The following HIVEP1 variants were observed in gnomAD, a reference collection of about 807,000 sequenced individuals.
HIVEP1 encodes the protein zinc finger protein 40.
In HIVEP1, 36 loss-of-function variants were observed where a neutral mutation model predicts 180.0. The observed-to-expected ratio is 0.20, with a 90% confidence interval of 0.15 to 0.26. The LOEUF is 0.26. Among genes scored for constraint, HIVEP1 ranks in the 10% least tolerant of loss-of-function variants. HIVEP1 has a pLI of 1.00. For missense variants in HIVEP1, 3,143 were observed against 3,268.7 expected (o/e 0.96, Z 0.94); for synonymous variants, 1,239 against 1,239.0 (o/e 1.00, Z 0.00).
intron 8 of HIVEP1, among the ~76,000 whole-genome samples, chr6:12,162,265 A>T (rs975055567): frequency 2.0e-5 from 3 of 150,370 alleles, no homozygotes; most frequent in African/African-American, 4.9e-5. Context: ...CAAGTCCCGC[A>T]ACTGATTTAT....
chr6:12,067,891 C>A (rs1178634202), intron 2 of HIVEP1, among the ~76,000 whole-genome samples: 1 of 152,068 alleles, frequency 6.6e-6, no homozygotes, highest in Non-Finnish European at 1.5e-5. Context: ...TGATAATTCC[C>A]AAATAAAGAT....
rs202211729 is a variant in HIVEP1 at position 12,163,789 on chromosome 6, C to A, written c.7485C>A (p.Thr2495=). ...CACTCCCCTCGTTAAGCATGGAAAC[C>A]GTCAATATTGTAGGCCTAGCCAATA... ...LQSLPSLSME[T]VNIVGLANTN... Residue 2495 remains threonine (T), a synonymous_variant, in exon 9 of 9, where the codon ACC becomes ACA. Coordinates refer to ENST00000379388, the MANE Select transcript of HIVEP1 (RefSeq NM_002114.4). The A allele has an allele frequency of 6.8e-6, 11 of 1,614,144 alleles. No individual in the cohort carries two copies. The South Asian group carries it at 1.2e-4, about 18-fold the overall frequency.
chr6:12,157,985 C>T (rs12197552), intron 7 of HIVEP1, among the ~76,000 whole-genome samples: 1 of 152,146 alleles, frequency 6.6e-6, no homozygotes, highest in Non-Finnish European at 1.5e-5. Flanking sequence ...TAGTTGTCAG[C>T]ACTCAGCTGA....
the HIVEP1 span, among the ~76,000 whole-genome samples, chr6:12,187,022 C>T: frequency 6.6e-6 from 1 of 151,634 alleles, no homozygotes; most frequent in African/African-American, 2.4e-5. Context: ...TTGAAACATG[C>T]AGAAGGAAGT....
intron 2 of HIVEP1, among the ~76,000 whole-genome samples, chr6:12,026,635 C>T (rs1351758145): frequency 1.3e-5 from 2 of 152,048 alleles, no homozygotes; most frequent in African/African-American, 4.8e-5. Context: ...CCAGGTGGGT[C>T]ATAAGGTCAT....
chr6:12,164,359 A>G lies in HIVEP1; in HGVS notation c.8055A>G (p.Arg2685=). The G allele has an allele frequency of 6.2e-7, 1 of 1,614,124 alleles. No individual in the cohort carries two copies. The highest frequency in any genetic ancestry group is 1.3e-5 in the African/African-American group (1 of 75,060). Residue 2685 remains arginine, a synonymous_variant, in exon 9 of 9, where the codon AGA becomes AGG. Coordinates refer to ENST00000379388, the MANE Select transcript of HIVEP1 (RefSeq NM_002114.4). The part of the protein sequence containing the change: ...PSGQQTLSPD[R]QVPRPTALPR... The stretch of plus-strand genomic sequence containing the variant: ...GCCAGCAGACTCTCTCTCCAGACAG[A>G]CAGGTTCCCAGGCCCACAGCACTAC...
chr6:12,096,420 AATGAG>A (rs1188577012), intron 3 of HIVEP1, among the ~76,000 whole-genome samples: 1 of 151,942 alleles, frequency 6.6e-6, no homozygotes, highest in Non-Finnish European at 1.5e-5. Flanking sequence ...TCCTGTGGAA[AATGAG>A]ACTAAGTCAG....
At chr6:12,020,263 C>T (rs1768096589) in intron 2 of HIVEP1, 1 of 464,236 alleles carries the variant, frequency 2.2e-6, no homozygotes, top group African/African-American at 2.0e-5. Flanking sequence ...GTGGTGGGTG[C>T]CGTTTTGACA....
chr6:12,168,198 A>ATCTATAT (rs1352033450), downstream of HIVEP1, among the ~76,000 whole-genome samples: 7 of 94,788 alleles, frequency 7.4e-5, no homozygotes, highest in Middle Eastern at 7.2e-3. Flanking sequence ...ATACGTGTAT[A>ATCTATAT]TATACATATA....
At chr6:12,080,013 T>C (rs778227088) in intron 2 of HIVEP1, among the ~76,000 whole-genome samples, 2 of 152,092 alleles carry the variant, frequency 1.3e-5, no homozygotes, top group African/African-American at 2.4e-5. Flanking sequence ...GAATGAGTTA[T>C]AGTGTCTTGC....
chr6:12,012,248 C>T (rs1170472034), upstream of HIVEP1: 2 of 141,152 alleles, frequency 1.4e-5, no homozygotes, highest in Admixed American at 7.1e-5. Flanking sequence ...GCGCGCCCCG[C>T]GCTCCCCCCC....
rs2228214 is a variant in HIVEP1 at position 12,163,635 on chromosome 6, C to T, written c.7331C>T (p.Thr2444Met). The T allele has an allele frequency of 3.0e-3, 4,836 of 1,614,122 alleles. 12 individuals carry two copies. Among genetic ancestry groups the T allele is most frequent in the Non-Finnish European group, 3.4e-3 (4,065 of 1,180,012 alleles). ...VHRTLGTHRNTVTEVSGTTNP... is the reference protein window; with the variant it reads ...VHRTLGTHRNMVTEVSGTTNP... The stretch of plus-strand genomic sequence containing the variant: ...AGAACTTTGGGTACTCATAGGAATA[C>T]GGTCACAGAAGTGTCTGGCACTACA... The change falls in exon 9 of 9, where the codon ACG becomes ATG. Residue 2444 changes from threonine (T) to methionine (M), a missense_variant. Coordinates refer to ENST00000379388, the MANE Select transcript of HIVEP1 (RefSeq NM_002114.4).
chr6:12,129,780 T>C lies in HIVEP1; in HGVS notation c.6097T>C (p.Ser2033Pro), dbSNP rs1407636883. 1 of 1,604,620 alleles carries C rather than the reference T, an allele frequency of 6.2e-7. No homozygotes were observed. Residue 2033 changes from serine to proline, a missense_variant, in exon 5 of 9, where the codon TCC becomes CCC. This residue lies in a region of HIVEP1 where 1,357 missense variants were observed against 1,260.5 expected (regional missense o/e 1.08). Coordinates refer to ENST00000379388, the MANE Select transcript of HIVEP1 (RefSeq NM_002114.4). The part of the protein sequence containing the change: ...LSKRALGNQK[S>P]TVVEFSNKDA... ...TCAGAGAGCATTAGGTAATCAAAAG[T>C]CCACAGTAGTTGAATTCAGCAATAA...
intron 2 of HIVEP1, among the ~76,000 whole-genome samples, chr6:12,035,166 C>G (rs887157804): frequency 2.0e-5 from 3 of 152,128 alleles, no homozygotes; most frequent in African/African-American, 7.2e-5. Context: ...TAATCTGTGA[C>G]AGAGAAAGCT....
At chr6:12,204,667 ACCC>A in the HIVEP1 span, among the ~76,000 whole-genome samples, 1 of 152,136 alleles carries the variant, frequency 6.6e-6, no homozygotes, top group African/African-American at 2.4e-5. Context: ...TAATTCACTT[ACCC>A]ATTCACAACT....
intron 3 of HIVEP1, among the ~76,000 whole-genome samples, chr6:12,108,989 C>CT (rs1002198694): frequency 3.3e-5 from 5 of 151,864 alleles, no homozygotes; most frequent in African/African-American, 7.3e-5. Context: ...TTTATTTTTA[C>CT]TTTTTTTTGA....
At chr6:12,136,388 C>T (rs938910629) in intron 7 of HIVEP1, among the ~76,000 whole-genome samples, 7 of 152,196 alleles carry the variant, frequency 4.6e-5, no homozygotes, top group African/African-American at 9.6e-5. Flanking sequence ...TCTCACTTTC[C>T]TTCAAGATCC....
At chr6:12,031,458 A>G (rs1768934067) in intron 2 of HIVEP1, among the ~76,000 whole-genome samples, 1 of 152,182 alleles carries the variant, frequency 6.6e-6, no homozygotes, top group African/African-American at 2.4e-5. Context: ...GCTTGCCCTC[A>G]GCAGGACCTC....
Position 12,125,454 on chromosome 6 carries a change from A to T in HIVEP1, c.5659A>T (p.Lys1887Ter). 6.2e-7 allele frequency: 1 copy of T among 1,614,122 alleles called. No homozygotes were observed. Residue 1887 changes from lysine to a stop codon, truncating the protein, a stop_gained, in exon 4 of 9, where the codon AAA becomes TAA. Coordinates refer to ENST00000379388, the MANE Select transcript of HIVEP1 (RefSeq NM_002114.4). LOFTEE classifies it high-confidence loss of function. ...AGAAAATACTCATATTTCTCCTTTG[A>T]AATGTACAGACAATAACCAAGAAAG... ...PSENTHISPLKCTDNNQERKS... is the reference protein window; with the variant it reads ...PSENTHISPL
Sources: allele counts gnomAD v4.1 joint callset (sites outside exome capture counted in the v4.1 genomes callset), GRCh38; gene constraint gnomAD v4.1.1; regional missense constraint gnomAD v4.1.1; transcripts MANE v1.5; gene names NCBI Gene and HGNC (gene_info 2026-07-23, HGNC 2026-07-21).